The following APBA2 variants were observed in gnomAD, a reference collection of about 807,000 sequenced individuals.
APBA2 encodes the protein amyloid beta precursor protein binding family A member 2, also known as amyloid-beta A4 precursor protein-binding family A member 2.
A neutral mutation model predicts 75.0 loss-of-function variants in APBA2; 30 were observed. The observed-to-expected ratio is 0.40, with a 90% CI of 0.30 to 0.54. The LOEUF is 0.54. Ranked by LOEUF, APBA2 falls within the 20% of genes least tolerant of loss-of-function variation. The pLI, the probability that APBA2 is intolerant of heterozygous loss-of-function variation, is 0.49. For synonymous variants in APBA2, 444 were observed against 409.6 expected, an observed-to-expected ratio of 1.08 and a Z score of -1.01; for missense variants, 801 against 1,016.1, an observed-to-expected ratio of 0.79 and a Z score of 2.88.
At chr15:28,924,243 GT>G (rs75951519) in intron 2 of APBA2, among the ~76,000 whole-genome samples, 8,212 of 150,294 alleles carry the variant, frequency 0.055, 504 homozygotes, top group East Asian at 0.21. Flanking sequence ...TCATCTGTAG[GT>G]TTTTTTTTTA....
At chr15:29,028,780 A>G (rs2040348942) in intron 3 of APBA2, among the ~76,000 whole-genome samples, 1 of 151,928 alleles carries the variant, frequency 6.6e-6, no homozygotes, top group African/African-American at 2.4e-5. Flanking sequence ...TTTTTTTCAT[A>G]TGTTTGATGG....
chr15:28,987,741 T>TATATATATATA (rs2038001112), intron 2 of APBA2, among the ~76,000 whole-genome samples: 1 of 139,368 alleles, frequency 7.2e-6, no homozygotes, highest in African/African-American at 2.8e-5. Context: ...TATATATATA[T>TATATATATATA]ATATATATAT....
At chr15:29,045,069 TTCTCTCTCTCTCTCTCTC>T (rs1555399868) in intron 3 of APBA2, among the ~76,000 whole-genome samples, 3 of 82,866 alleles carry the variant, frequency 3.6e-5, no homozygotes, top group Non-Finnish European at 5.9e-5. Context: ...CCCTCCCTCC[TTCTCTCTCTCTCTCTCTC>T]TCTCTCTCTC....
intron 6 of APBA2, among the ~76,000 whole-genome samples, chr15:29,077,355 G>A (rs1040324345): frequency 6.6e-6 from 1 of 152,180 alleles, no homozygotes; most frequent in Non-Finnish European, 1.5e-5. Flanking sequence ...AAGCCAGGGT[G>A]GGGTTGCCAG....
intron 2 of APBA2, among the ~76,000 whole-genome samples, chr15:28,933,402 C>T (rs546922470): frequency 1.1e-4 from 17 of 152,268 alleles, no homozygotes; most frequent in Non-Finnish European, 1.9e-4. Context: ...TCACCAGGCA[C>T]GGAATCTGCT....
chr15:29,034,436 C>G lies in APBA2; in HGVS notation c.-40-19409C>G, dbSNP rs371210200. ...GATGTAGAGGCTCCCTCCAAGGTAC[C>G]AGAAGGCCAGCCAAGTTCTTTATTA... On this transcript the variant is annotated intron_variant, in intron 3 of 14. Transcript: ENST00000683413. 6.0e-4 allele frequency among the ~76,000 whole-genome samples: 92 copies of G among 152,308 alleles called. No individual in the cohort carries two copies. The South Asian group carries it at 0.012, about 20-fold the overall frequency.
At chr15:28,921,524 C>G (rs1049881973) in intron 1 of APBA2, 116 bp from the exon 2 acceptor site, 1 of 152,194 alleles carries the variant, frequency 6.6e-6, no homozygotes, top group African/African-American at 2.4e-5. Context: ...TGTTAGCCTC[C>G]CATATGAGCG....
At chr15:28,934,763 A>C (rs1174599553) in intron 2 of APBA2, among the ~76,000 whole-genome samples, 3 of 152,166 alleles carry the variant, frequency 2.0e-5, no homozygotes, top group Non-Finnish European at 4.4e-5. Context: ...TCGGTCACCC[A>C]GGGCTGTCAC....
intron 3 of APBA2, among the ~76,000 whole-genome samples, chr15:29,005,058 A>T (rs1020493038): frequency 3.9e-5 from 6 of 152,112 alleles, no homozygotes; most frequent in African/African-American, 1.4e-4. Context: ...ACAACCCCCC[A>T]GGTGGTGCAG....
chr15:29,113,040 C>T (rs1262783255), intron 13 of APBA2, among the ~76,000 whole-genome samples: 1 of 152,206 alleles, frequency 6.6e-6, no homozygotes, highest in Admixed American at 6.5e-5. Flanking sequence ...TCTCCCTCCT[C>T]TCCAGGGCTG....
intron 13 of APBA2, among the ~76,000 whole-genome samples, chr15:29,110,760 C>T (rs2044684014): frequency 6.6e-6 from 1 of 152,136 alleles, no homozygotes; most frequent in Non-Finnish European, 1.5e-5. Context: ...TTTGTGGGGG[C>T]TAACATGAAT....
At chr15:28,900,214 C>T (rs554009492) in intron 1 of APBA2, among the ~76,000 whole-genome samples, 4 of 152,300 alleles carry the variant, frequency 2.6e-5, no homozygotes, top group South Asian at 4.1e-4. Context: ...CAGGCTTCTT[C>T]GGGCTCATCA....
chr15:28,933,840 C>T (rs1449505942), intron 2 of APBA2, among the ~76,000 whole-genome samples: 1 of 152,198 alleles, frequency 6.6e-6, no homozygotes, highest in African/African-American at 2.4e-5. Context: ...AAAGAGTCCA[C>T]TATCTGGGGT....
chr15:29,060,050 C>T (rs934948567), intron 4 of APBA2, among the ~76,000 whole-genome samples: 2 of 152,286 alleles, frequency 1.3e-5, no homozygotes, highest in Non-Finnish European at 1.5e-5. Context: ...TACACATGAA[C>T]TCCCAAGGCC....
intron 10 of APBA2, among the ~76,000 whole-genome samples, chr15:29,104,180 G>C (rs1255060908): frequency 6.6e-6 from 1 of 152,226 alleles, no homozygotes; most frequent in African/African-American, 2.4e-5. Context: ...CAAAGCCCTT[G>C]TTTTCACCTG....
At chr15:29,032,150 A>T (rs1377429833) in intron 3 of APBA2, among the ~76,000 whole-genome samples, 2 of 152,226 alleles carry the variant, frequency 1.3e-5, no homozygotes, top group Admixed American at 6.5e-5. Context: ...GGTGTGTGTC[A>T]AAGAGGCAGA....
At chr15:28,934,687 G>C (rs2034754905) in intron 2 of APBA2, among the ~76,000 whole-genome samples, 1 of 152,196 alleles carries the variant, frequency 6.6e-6, no homozygotes, top group African/African-American at 2.4e-5. Context: ...TATCCCCTGG[G>C]GCCTCCTCAG....
At chr15:29,094,630 C>T (rs756580787) in intron 8 of APBA2, among the ~76,000 whole-genome samples, 1 of 152,180 alleles carries the variant, frequency 6.6e-6, no homozygotes. Flanking sequence ...GATATGACAA[C>T]GTGGTGGGTG....
At chr15:28,893,511 G>A (rs2032271965) in intron 1 of APBA2, among the ~76,000 whole-genome samples, 1 of 152,216 alleles carries the variant, frequency 6.6e-6, no homozygotes, top group South Asian at 2.1e-4. Context: ...GACTGAGTGG[G>A]TCACATTAAT....
Sources: allele counts gnomAD v4.1 joint callset (sites outside exome capture counted in the v4.1 genomes callset), GRCh38; gene constraint gnomAD v4.1.1; transcripts MANE v1.5; gene names NCBI Gene and HGNC (gene_info 2026-07-23, HGNC 2026-07-21).